NSUN6: variants seen among roughly 807,000 people sequenced by gnomAD.
NSUN6 encodes NOP2/Sun RNA methyltransferase 6.
NSUN6 carries 64 observed loss-of-function variants against 58.0 expected under a neutral mutation model. The ratio of observed to expected loss-of-function variants is 1.10; its 90% CI spans 0.90 to 1.36. The LOEUF is 1.36. Among genes scored for constraint, NSUN6 ranks in the 40% most tolerant of loss-of-function variants. The pLI, the probability that NSUN6 is intolerant of heterozygous loss-of-function variation, is 0.00. For synonymous variants in NSUN6, 231 were observed against 193.9 expected (o/e 1.19, Z -1.59); for missense variants, 701 against 550.1 (o/e 1.27, Z -2.74).
At chr10:18,618,508 C>A (rs1312141166) in intron 3 of NSUN6, among the ~76,000 whole-genome samples, 1 of 151,802 alleles carries the variant, frequency 6.6e-6, no homozygotes, top group African/African-American at 2.4e-5. Context: ...ATGAAGAAAT[C>A]CCCGTCTCTA....
At position 18,562,822 on chromosome 10, in the gene NSUN6, G is replaced by GGA. The variant is rs879873995; in HGVS notation, c.923-10853_923-10852dup. 2.6e-3 allele frequency among the ~76,000 whole-genome samples: 387 copies of GGA among 149,438 alleles called. 2 individuals are homozygous for GGA. The highest frequency in any genetic ancestry group is 4.2e-3 in the Non-Finnish European group (285 of 67,128). On this transcript the variant is annotated intron_variant, in intron 8 of 10. Transcript: ENST00000377304. Reference sequence around the variant, plus strand: ...TGGAGAATGGAATGAAAGGGAGGATGGAATGGAATGAAATGGAGCGTGGAA... The same window carrying GGA: ...TGGAGAATGGAATGAAAGGGAGGATGGAGAATGGAATGAAATGGAGCGTGGAA...
chr10:18,613,345 C>T (rs1317700712), intron 5 of NSUN6, among the ~76,000 whole-genome samples: 3 of 152,146 alleles, frequency 2.0e-5, no homozygotes, highest in African/African-American at 7.2e-5. Flanking sequence ...GATCCGCCCA[C>T]CTTGGCCTCT....
rs45506992 is a variant in NSUN6, at chr10:18,651,257, T to C, written c.-54A>G. The C allele has an allele frequency of 2.9e-4, 315 of 1,094,254 alleles. No individual in the cohort carries two copies. The highest frequency in any genetic ancestry group is 3.0e-4 in the Non-Finnish European group (248 of 826,750). 67.8% of individuals were successfully genotyped at this position (1,094,254 alleles called of 1,614,324 possible). A position where few individuals can be genotyped will look rare whatever the true frequency, so the allele number is the denominator to read the frequency against. ...AGAAATGCTGGAAAACGGTGTTTTG[T>C]TTTTTTTTTTCTTTCCGAATTAATA... is the stretch of plus-strand genomic sequence containing the variant. On this transcript the variant is annotated 5_prime_UTR_variant, in exon 1 of 11. Coordinates refer to ENST00000377304, the MANE Select transcript of NSUN6 (RefSeq NM_182543.5).
intron 3 of NSUN6, among the ~76,000 whole-genome samples, chr10:18,620,681 GA>G: frequency 6.6e-6 from 1 of 152,276 alleles, no homozygotes; most frequent in East Asian, 1.9e-4. Context: ...TCTGCTTAGA[GA>G]AAATATTTAA....
chr10:18,600,959 T>TATGTATATATATATATATAC, intron 6 of NSUN6, among the ~76,000 whole-genome samples: 1 of 64,926 alleles, frequency 1.5e-5, no homozygotes, highest in Non-Finnish European at 3.1e-5. Flanking sequence ...TATATATATA[T>TATGTATATATATATATATAC]ACATATATAT....
chr10:18,596,554 A>G (rs148241119), intron 6 of NSUN6, among the ~76,000 whole-genome samples: 3 of 152,246 alleles, frequency 2.0e-5, no homozygotes, highest in Admixed American at 2.0e-4. Context: ...AATATACATG[A>G]CACAATTTTC....
intron 8 of NSUN6, among the ~76,000 whole-genome samples, chr10:18,582,761 A>G (rs1234599684): frequency 6.6e-6 from 1 of 152,196 alleles, no homozygotes; most frequent in Non-Finnish European, 1.5e-5. Context: ...TGCGAAAACT[A>G]AAACCACTGT....
chr10:18,550,780 A>C (rs1381687574), intron 9 of NSUN6, among the ~76,000 whole-genome samples: 5 of 148,104 alleles, frequency 3.4e-5, no homozygotes, highest in Admixed American at 6.8e-5. Context: ...GCTGGAGTGC[A>C]GTGGCATGAC....
chr10:18,618,957 G>A (rs2058508327), intron 3 of NSUN6, among the ~76,000 whole-genome samples: 1 of 152,000 alleles, frequency 6.6e-6, no homozygotes, highest in African/African-American at 2.4e-5. Context: ...ATCATTTTAA[G>A]AAAACTGTTT....
chr10:18,569,848 A>ATCCCAT (rs1159358276), intron 8 of NSUN6, among the ~76,000 whole-genome samples: 1 of 146,384 alleles, frequency 6.8e-6, no homozygotes, highest in Non-Finnish European at 1.5e-5. Context: ...TCTCCATTCC[A>ATCCCAT]TCCCATTCCG....
intron 6 of NSUN6, among the ~76,000 whole-genome samples, chr10:18,606,995 T>C (rs143273097): frequency 6.6e-6 from 1 of 152,234 alleles, no homozygotes; most frequent in Non-Finnish European, 1.5e-5. Context: ...CTGCAAATTA[T>C]GGCTACCAAG....
At chr10:18,636,645 G>A (rs1263918910) in intron 3 of NSUN6, among the ~76,000 whole-genome samples, 1 of 152,088 alleles carries the variant, frequency 6.6e-6, no homozygotes. Flanking sequence ...TGTAATCCCA[G>A]CACTTTGGGA....
At chr10:18,546,198 T>C in intron 10 of NSUN6, 53 bp from the exon 11 acceptor site, 2 of 1,197,388 alleles carry the variant, frequency 1.7e-6, no homozygotes, top group Non-Finnish European at 2.5e-6. Context: ...TTAGCAAGTA[T>C]GACTGCTACA....
intron 3 of NSUN6, among the ~76,000 whole-genome samples, chr10:18,619,954 T>C (rs1354402682): frequency 6.6e-6 from 1 of 151,186 alleles, no homozygotes; most frequent in Non-Finnish European, 1.5e-5. Flanking sequence ...AAAACATCCC[T>C]TTTTTTTTAA....
In NSUN6 at chr10:18,578,118, A is replaced by G. The variant is rs115824374; in HGVS notation, c.922+7831T>C. Among the ~76,000 whole-genome samples, 1,209 of 152,310 alleles carry G rather than the reference A, an allele frequency of 7.9e-3. 13 individuals are homozygous for G. Among genetic ancestry groups the G allele is most frequent in the South Asian group, 0.033 (158 of 4,826 alleles). Reference sequence around the variant, plus strand: ...CAAAACCTTACTTATAACACAGTAAAGGCACACTTATAACCAGGAGGTGCC... The same window carrying G: ...CAAAACCTTACTTATAACACAGTAAGGGCACACTTATAACCAGGAGGTGCC... On this transcript the variant is annotated intron_variant, in intron 8 of 10. Transcript: ENST00000377304.
intron 3 of NSUN6, among the ~76,000 whole-genome samples, chr10:18,635,993 A>G (rs1267232170): frequency 6.6e-6 from 1 of 151,354 alleles, no homozygotes; most frequent in Non-Finnish European, 1.5e-5. Context: ...ACAAGGAGGA[A>G]AAGTTTTTGG....
upstream of NSUN6, chr10:18,652,263 C>G (rs1590212553): frequency 4.1e-6 from 4 of 984,266 alleles, no homozygotes; most frequent in Non-Finnish European, 4.8e-6. Flanking sequence ...GATATAGATT[C>G]AAAGAACGAG....
chr10:18,552,044 G>A (rs2054639265), intron 8 of NSUN6, 73 bp from the exon 9 acceptor site: 4 of 812,464 alleles, frequency 4.9e-6, no homozygotes, highest in South Asian at 4.8e-5. Flanking sequence ...GAGATGAGCA[G>A]GAATTTAAAA....
chr10:18,618,628 G>C (rs766823642), intron 3 of NSUN6, among the ~76,000 whole-genome samples: 28 of 148,804 alleles, frequency 1.9e-4, no homozygotes, highest in Middle Eastern at 7.1e-3. Context: ...GTTGCAGTGA[G>C]CCGAGATGGT....
Sources: gnomAD v4.1 joint callset for allele counts (sites outside exome capture counted in the v4.1 genomes callset) on GRCh38, gnomAD v4.1.1 for gene constraint, MANE v1.5 for transcripts, NCBI Gene and HGNC (gene_info 2026-07-23, HGNC 2026-07-21) for gene names.